DLGAP1: variants seen among roughly 807,000 people sequenced by gnomAD.
The protein encoded by DLGAP1 is disks large-associated protein 1.
A neutral mutation model predicts 90.8 loss-of-function variants in DLGAP1; 11 were observed. The ratio of observed to expected loss-of-function variants is 0.12; its 90% CI spans 0.08 to 0.20. The LOEUF is 0.20. DLGAP1 is among the 10% of genes least tolerant of loss of function. DLGAP1 has a pLI of 1.00. For missense variants in DLGAP1, 1,050 were observed against 1,333.8 expected, an observed-to-expected ratio of 0.79 and a Z score of 3.31; for synonymous variants, 558 against 540.7, an observed-to-expected ratio of 1.03 and a Z score of -0.44.
intron 7 of DLGAP1, among the ~76,000 whole-genome samples, chr18:3,601,846 G>GAA: frequency 1.0e-5 from 1 of 96,982 alleles, no homozygotes; most frequent in Admixed American, 1.2e-4. Flanking sequence ...CTCCATCTCG[G>GAA]AAAAAAAAAA....
At chr18:3,992,416 G>A (rs1316169314) in intron 3 of DLGAP1, among the ~76,000 whole-genome samples, 3 of 152,100 alleles carry the variant, frequency 2.0e-5, no homozygotes, top group Admixed American at 6.5e-5. Flanking sequence ...GGTGGTTTAC[G>A]CCTGTAATCC....
chr18:4,309,102 T>C (rs73378943), intron 1 of DLGAP1, among the ~76,000 whole-genome samples: 2,206 of 152,234 alleles, frequency 0.014, 50 homozygotes, highest in African/African-American at 0.05. Context: ...TGTAGGTAGG[T>C]AGGTAAGACA....
Position 4,230,835 on chromosome 18 carries a change from T to C in DLGAP1, c.-266-79548A>G, listed in dbSNP as rs1000124396. 3.3e-5 allele frequency among the ~76,000 whole-genome samples: 5 copies of C among 151,634 alleles called. No homozygotes were observed. In the Admixed American group the frequency reaches 3.3e-4, roughly 10 times the overall value. On this transcript the variant is annotated intron_variant, in intron 1 of 12. Coordinates refer to ENST00000315677, the MANE Select transcript of DLGAP1 (RefSeq NM_004746.4). ...GTGATGGATACCCCACTTACCCTGATGTGATTATTACTCATTGCATGCCTC... is the reference window on the plus strand; with the variant it reads ...GTGATGGATACCCCACTTACCCTGACGTGATTATTACTCATTGCATGCCTC...
chr18:3,660,440 T>C lies in DLGAP1; in HGVS notation c.1591+68695A>G, dbSNP rs2059646308. On this transcript the variant is annotated intron_variant, in intron 7 of 12. Coordinates refer to ENST00000315677, the MANE Select transcript of DLGAP1 (RefSeq NM_004746.4). This position sits in a 1 kb window ranked among gnomAD's most constrained non-coding sequence, Gnocchi z 4.2. The stretch of plus-strand genomic sequence containing the variant: ...AAGGAGAGCAGGAACCTGGTCTGTT[T>C]TGTTTGCTGCTGTAACTCCTCTGCC... Among the ~76,000 whole-genome samples, 2 of 152,270 alleles carry C rather than the reference T, an allele frequency of 1.3e-5. No homozygotes were observed. Among genetic ancestry groups the C allele is most frequent in the African/African-American group, 4.8e-5 (2 of 41,474 alleles).
intron 3 of DLGAP1, among the ~76,000 whole-genome samples, chr18:3,915,032 C>G (rs1388748454): frequency 1.3e-5 from 2 of 152,176 alleles, no homozygotes; most frequent in African/African-American, 4.8e-5. Flanking sequence ...CATGAGCCAC[C>G]ACATTCAGCT....
At chr18:3,924,186 A>G (rs1211070431) in intron 3 of DLGAP1, among the ~76,000 whole-genome samples, 1 of 152,216 alleles carries the variant, frequency 6.6e-6, no homozygotes, top group Non-Finnish European at 1.5e-5. Context: ...CATATTAGCT[A>G]CATCGCCATA....
chr18:3,812,062 C>T (rs1262094178), intron 5 of DLGAP1, among the ~76,000 whole-genome samples: 1 of 152,286 alleles, frequency 6.6e-6, no homozygotes, highest in East Asian at 1.9e-4. Context: ...TAACGGGATA[C>T]TTAGGAGGTG....
chr18:4,282,169 C>T (rs2079567812), intron 1 of DLGAP1, among the ~76,000 whole-genome samples: 1 of 152,018 alleles, frequency 6.6e-6, no homozygotes, highest in Admixed American at 6.6e-5. Flanking sequence ...TCGAGATCAT[C>T]CTGGCTAACA....
chr18:3,888,568 C>A lies in DLGAP1; in HGVS notation c.-72-8428G>T, dbSNP rs556250753. Among the ~76,000 whole-genome samples, 493 of 149,494 alleles carry A rather than the reference C, an allele frequency of 3.3e-3. 3 individuals carry two copies. The highest frequency in any genetic ancestry group is 3.2e-3 in the Non-Finnish European group (216 of 67,532). On this transcript the variant is annotated intron_variant, in intron 3 of 12. Coordinates refer to ENST00000315677, the MANE Select transcript of DLGAP1 (RefSeq NM_004746.4). ...TATGGTATTGTTAAAAAAAAAAAAA[C>A]CAACGACTCAACTGAAATCTTCTCC...
At chr18:3,516,470 CTTATGGAA>C (rs939182451) in intron 10 of DLGAP1, among the ~76,000 whole-genome samples, 11 of 152,138 alleles carry the variant, frequency 7.2e-5, no homozygotes, top group Non-Finnish European at 1.0e-4. Flanking sequence ...CAGATATAGC[CTTATGGAA>C]TGTATTTTTA....
At chr18:3,509,836 A>G (rs1298956858) in intron 10 of DLGAP1, among the ~76,000 whole-genome samples, 9 of 152,156 alleles carry the variant, frequency 5.9e-5, no homozygotes, top group Admixed American at 5.9e-4. Flanking sequence ...AGGCTAGATA[A>G]TGGTTTCTGA....
intron 7 of DLGAP1, among the ~76,000 whole-genome samples, chr18:3,584,964 G>T (rs2055787478): frequency 6.6e-6 from 1 of 152,060 alleles, no homozygotes; most frequent in African/African-American, 2.4e-5. Flanking sequence ...TGTTGCCCAG[G>T]CTGGTCTTGA....
At chr18:3,593,091 C>T (rs2056373193) in intron 7 of DLGAP1, among the ~76,000 whole-genome samples, 1 of 151,984 alleles carries the variant, frequency 6.6e-6, no homozygotes, top group Non-Finnish European at 1.5e-5. Context: ...TCCCATCTGA[C>T]CATTAACTCA....
At chr18:4,149,812 G>A (rs4798184) in intron 2 of DLGAP1, among the ~76,000 whole-genome samples, 71,706 of 151,818 alleles carry the variant, frequency 0.47, 18,505 homozygotes, top group East Asian at 0.72. Flanking sequence ...CACCCTGTCC[G>A]TGGAAAAATT....
In DLGAP1 at chr18:3,498,691, G is replaced by A. The variant is rs891771844; in HGVS notation, c.*494C>T. The A allele has an allele frequency of 2.6e-5, 4 of 153,052 alleles. No individual in the cohort carries two copies. The highest frequency in any genetic ancestry group is 4.8e-5 in the African/African-American group (2 of 41,462). The allele number at this position is 153,052 out of a possible 1,614,324, so 9.5% of individuals were successfully genotyped here. A position where few individuals can be genotyped will look rare whatever the true frequency, so the allele number is the denominator to read the frequency against. The stretch of plus-strand genomic sequence containing the variant: ...AGGTTGGGAATAAAGTGCTCCATCT[G>A]CTTTTTTAAAAGAATAACCATTTAG... On this transcript the variant is annotated 3_prime_UTR_variant, in exon 13 of 13. Transcript: ENST00000315677.
intron 7 of DLGAP1, among the ~76,000 whole-genome samples, chr18:3,666,083 G>A (rs1312524577): frequency 1.3e-5 from 2 of 152,106 alleles, no homozygotes; most frequent in East Asian, 3.9e-4. Flanking sequence ...AGAGAGCCCC[G>A]CGGTCAGGCA....
At chr18:3,768,424 G>T (rs2147982407) in intron 5 of DLGAP1, among the ~76,000 whole-genome samples, 1 of 152,218 alleles carries the variant, frequency 6.6e-6, no homozygotes, top group Middle Eastern at 3.4e-3. Flanking sequence ...ATCTCATAAA[G>T]ATTTTTGTAG....
intron 2 of DLGAP1, among the ~76,000 whole-genome samples, chr18:4,050,984 A>C (rs2075126128): frequency 6.6e-6 from 1 of 152,128 alleles, no homozygotes; most frequent in Non-Finnish European, 1.5e-5. Context: ...GTCATATTTA[A>C]CTAGGGTCAT....
chr18:3,723,775 C>A (rs1450807846), intron 7 of DLGAP1, among the ~76,000 whole-genome samples: 1 of 152,074 alleles, frequency 6.6e-6, no homozygotes, highest in African/African-American at 2.4e-5. Flanking sequence ...TCAGAGCTGC[C>A]AGGAATGGGG....
Sources: gnomAD v4.1 joint callset for allele counts (sites outside exome capture counted in the v4.1 genomes callset) on GRCh38, gnomAD v4.1.1 for gene constraint, Gnocchi (gnomAD v3.1) non-coding constraint, MANE v1.5 for transcripts, NCBI Gene and HGNC (gene_info 2026-07-23, HGNC 2026-07-21) for gene names.